FLNB: variants seen among roughly 807,000 people sequenced by gnomAD.
The protein encoded by FLNB is filamin-B.
Under a neutral mutation model 250.6 loss-of-function variants are expected in FLNB, and 111 were observed. That is an observed-to-expected ratio of 0.44 (90% CI 0.38 to 0.52). The LOEUF is 0.52. Ranked by LOEUF, FLNB falls within the 20% of genes least tolerant of loss-of-function variation. FLNB has a pLI of 0.00. For missense variants in FLNB, 2,869 were observed against 3,447.8 expected, an observed-to-expected ratio of 0.83 and a Z score of 4.20; for synonymous variants, 1,302 against 1,372.1, an observed-to-expected ratio of 0.95 and a Z score of 1.13.
rs892623277 is a variant in FLNB at position 58,098,719 on chromosome 3, G to A, written c.1156G>A (p.Val386Met). The change falls in exon 8 of 46, where the codon GTG becomes ATG. Residue 386 changes from valine to methionine, a missense_variant. By Grantham distance (21) the Val-to-Met change is conservative. Around this residue, in one of 5 missense-constraint regions of FLNB, gnomAD observed 1,348 missense variants for 1,466.7 expected, o/e 0.92. Coordinates refer to ENST00000295956, the MANE Select transcript of FLNB (RefSeq NM_001457.4). ...YFDIYTAGAG[V>M]GDIGVEVEDP... ...TGCTTGCTTTCTTGTAGGAGCTGGT[G>A]TGGGTGACATTGGTGTGGAGGTGGA... The A allele has an allele frequency of 1.2e-6, 2 of 1,614,066 alleles. No homozygotes were observed. The highest frequency in any genetic ancestry group is 1.7e-6 in the Non-Finnish European group (2 of 1,180,038).
At chr3:58,095,598 C>G (rs1441618054) in intron 5 of FLNB, among the ~76,000 whole-genome samples, 2 of 152,184 alleles carry the variant, frequency 1.3e-5, no homozygotes, top group African/African-American at 4.8e-5. Flanking sequence ...TAATAAGAGT[C>G]TTGCCCTGCT....
In FLNB at chr3:58,169,662, C is replaced by T. The variant is rs1409735769; in HGVS notation, c.7490C>T (p.Ser2497Phe). Residue 2497 changes from serine (S) to phenylalanine (F), a missense_variant, in exon 45 of 46, where the codon TCT becomes TTT. Transcript: ENST00000295956. This position sits in a 1 kb window ranked among gnomAD's most constrained non-coding sequence, Gnocchi z 4.8. ...CTGGTGGAGTCAGTGACCAGGTCGT[C>T]TACAGAGACCTGCTATAGCGCCATT... ...SILVESVTRSSTETCYSAIPK... is the reference protein window; with the variant it reads ...SILVESVTRSFTETCYSAIPK... The T allele has an allele frequency of 6.2e-7, 1 of 1,613,876 alleles. No individual in the cohort carries two copies. The highest frequency in any genetic ancestry group is 1.3e-5 in the African/African-American group (1 of 74,910).
Position 58,102,278 on chromosome 3 carries a change from A to G in FLNB, c.1421A>G (p.Asp474Gly). ...GGCGTCCGTATCCGGGAGACCACAG[A>G]TTTCAAGGTTGACACCAAAGCTGCA... ...PKGVRIRETT[D>G]FKVDTKAAGS... The change falls in exon 9 of 46, where the codon GAT (aspartate) becomes GGT (glycine). Residue 474 changes from aspartate to glycine, a missense_variant. Coordinates refer to ENST00000295956, the MANE Select transcript of FLNB (RefSeq NM_001457.4). 1 of 1,614,230 alleles carries G rather than the reference A, an allele frequency of 6.2e-7. No individual in the cohort carries two copies. Among genetic ancestry groups the G allele is most frequent in the Non-Finnish European group, 8.5e-7 (1 of 1,180,026 alleles).
rs2097265020 is a variant in FLNB at position 58,109,555 on chromosome 3, CCTT to C, written c.2200-18_2200-16del. ...GTCCAAGTGGAGGAGAACTTGATGA[CCTT>C]CTCCATGTCTTCTCTAGGTCAACAT... On this transcript the variant is annotated intron_variant, in intron 14 of 45. Transcript: ENST00000295956. 2 of 1,614,142 alleles carry C rather than the reference CCTT, an allele frequency of 1.2e-6. No individual in the cohort carries two copies. The highest frequency in any genetic ancestry group is 2.7e-5 in the African/African-American group (2 of 75,056).
chr3:58,144,013 G>A (rs1277078126), intron 32 of FLNB, among the ~76,000 whole-genome samples: 3 of 152,104 alleles, frequency 2.0e-5, no homozygotes, highest in Non-Finnish European at 4.4e-5. Context: ...TGGAAGAAGA[G>A]GACCAGCAGC....
At chr3:58,053,233 G>T (rs536281346) in intron 1 of FLNB, among the ~76,000 whole-genome samples, 1 of 152,258 alleles carries the variant, frequency 6.6e-6, no homozygotes, top group South Asian at 2.1e-4. Context: ...GTTAATTTCA[G>T]AAAGACATTA....
chr3:58,025,129 C>T (rs1445370368), intron 1 of FLNB, among the ~76,000 whole-genome samples: 13 of 51,840 alleles, frequency 2.5e-4, no homozygotes, highest in South Asian at 1.1e-3. Context: ...TTCTTTCTTT[C>T]TTTCTTTTTT....
At chr3:58,146,112 G>A (rs1465546694) in intron 33 of FLNB, 63 bp downstream of exon 33, 15 of 1,585,574 alleles carry the variant, frequency 9.5e-6, no homozygotes, top group Admixed American at 1.7e-5. Context: ...AAGTGGACAC[G>A]GTTCCAGGGT....
intron 22 of FLNB, 56 bp downstream of exon 22, chr3:58,124,561 C>A: frequency 1.3e-6 from 2 of 1,582,424 alleles, no homozygotes; most frequent in Non-Finnish European, 1.7e-6. Context: ...TTGGTCATTG[C>A]CTCCTGGTGG....
intron 8 of FLNB, among the ~76,000 whole-genome samples, chr3:58,099,682 C>G (rs925463998): frequency 6.6e-6 from 1 of 152,158 alleles, no homozygotes; most frequent in Non-Finnish European, 1.5e-5. Context: ...CAGCCTGGAC[C>G]CTGAAGCTGT....
chr3:58,159,838 T>A, intron 42 of FLNB, 152 bp downstream of exon 42: 1 of 844,168 alleles, frequency 1.2e-6, no homozygotes, highest in Non-Finnish European at 1.9e-6. Context: ...GTTTATAAAT[T>A]AGGGTTTAAA....
intron 1 of FLNB, among the ~76,000 whole-genome samples, chr3:58,056,531 TA>T (rs2097170927): frequency 6.6e-6 from 1 of 152,228 alleles, no homozygotes; most frequent in African/African-American, 2.4e-5. Flanking sequence ...TGAAACTTTT[TA>T]AAAAAAGTTT....
intron 10 of FLNB, among the ~76,000 whole-genome samples, chr3:58,104,531 C>T (rs2097256363): frequency 1.3e-5 from 2 of 152,226 alleles, no homozygotes; most frequent in Non-Finnish European, 2.9e-5. Context: ...ATTGCACTTG[C>T]CCCTCTGCGT....
chr3:58,139,003 A>G (rs1247015858), intron 29 of FLNB, among the ~76,000 whole-genome samples: 1 of 152,160 alleles, frequency 6.6e-6, no homozygotes, highest in African/African-American at 2.4e-5. Flanking sequence ...TGTGTTTTGG[A>G]AAGATTCACA....
At position 58,008,983 on chromosome 3, in the gene FLNB, A is replaced by AG; in HGVS notation, c.292+131dup. 3 of 1,185,782 alleles carry AG rather than the reference A, an allele frequency of 2.5e-6. 1 individual carries two copies. The highest frequency in any genetic ancestry group is 2.6e-5 in the South Asian group (2 of 77,780). The allele number at this position is 1,185,782 out of a possible 1,614,324, so 73.5% of individuals were successfully genotyped here. A position where few individuals can be genotyped will look rare whatever the true frequency, so the allele number is the denominator to read the frequency against. On this transcript the variant is annotated intron_variant, in intron 1 of 45. Coordinates refer to ENST00000295956, the MANE Select transcript of FLNB (RefSeq NM_001457.4). ...TCGGAGATAAGGGGGAGTCGTCCCC[A>AG]GGGGTGGGTTATAGGGGGCCTAGAC... is the stretch of plus-strand genomic sequence containing the variant.
chr3:58,156,643 C>T (rs2097353759), intron 41 of FLNB, among the ~76,000 whole-genome samples: 1 of 152,136 alleles, frequency 6.6e-6, no homozygotes, highest in Admixed American at 6.5e-5. Flanking sequence ...CACTGGGAAC[C>T]AGCTAGTATG....
chr3:58,049,404 C>T (rs1457062033), intron 1 of FLNB, among the ~76,000 whole-genome samples: 1 of 152,102 alleles, frequency 6.6e-6, no homozygotes. Context: ...CTGAATATGA[C>T]CTCACCCATG....
At chr3:58,071,656 A>T (rs1576668938) in intron 1 of FLNB, among the ~76,000 whole-genome samples, 1 of 152,114 alleles carries the variant, frequency 6.6e-6, no homozygotes, top group African/African-American at 2.4e-5. Context: ...AGGATGACCT[A>T]TTCCTTCTCA....
chr3:58,100,373 A>AAAATATATATATATAT lies in FLNB; in HGVS notation c.1345+1466_1345+1467insAATATATATATATATA. On this transcript the variant is annotated intron_variant, in intron 8 of 45. Coordinates refer to ENST00000295956, the MANE Select transcript of FLNB (RefSeq NM_001457.4). The stretch of plus-strand genomic sequence containing the variant: ...AATGATTTTACATATGTAAAAAAAA[A>AAAATATATATATATAT]ATATATATATATTTGCAGGGGCGCG... Among the ~76,000 whole-genome samples the AAAATATATATATATAT allele has an allele frequency of 8.6e-5, 9 of 104,384 alleles. 1 individual carries two copies. Among genetic ancestry groups the AAAATATATATATATAT allele is most frequent in the African/African-American group, 3.2e-4 (7 of 21,888 alleles). The allele number at this position is 104,384 out of a possible 152,430, so 68.5% of individuals were successfully genotyped here.
Sources: gnomAD v4.1 joint callset for allele counts (sites outside exome capture counted in the v4.1 genomes callset) on GRCh38, gnomAD v4.1.1 for gene constraint, gnomAD v4.1.1 regional missense constraint, Gnocchi (gnomAD v3.1) non-coding constraint, MANE v1.5 for transcripts, NCBI Gene and HGNC (gene_info 2026-07-23, HGNC 2026-07-21) for gene names.